Variants in PPARD observed in about 807,000 individuals in gnomAD.
The protein encoded by PPARD is peroxisome proliferator activated receptor delta.
Under a neutral mutation model 39.5 loss-of-function variants are expected in PPARD, and 6 were observed. The observed-to-expected ratio is 0.15, with a 90% confidence interval of 0.08 to 0.30. The LOEUF (loss-of-function observed/expected upper bound fraction) is 0.30. Among genes scored for constraint, PPARD ranks in the 10% least tolerant of loss-of-function variants. PPARD has a pLI of 1.00. For missense variants in PPARD, 397 were observed against 596.8 expected (o/e 0.67, Z 3.49); for synonymous variants, 210 against 231.3 (o/e 0.91, Z 0.83).
In PPARD at chr6:35,423,960, C is replaced by T. The variant is rs769962625; in HGVS notation, c.439C>T (p.Arg147Trp). The T allele has an allele frequency of 1.2e-6, 2 of 1,614,034 alleles. No individual in the cohort carries two copies. The highest frequency in any genetic ancestry group is 1.7e-6 in the Non-Finnish European group (2 of 1,180,018). ...TCCCTGTGCAGCTATCCGTTTTGGT[C>T]GGATGCCGGAGGCTGAGAAGAGGAA... is the stretch of plus-strand genomic sequence containing the variant. ...GMSHNAIRFGRMPEAEKRKLV... is the reference protein window; with the variant it reads ...GMSHNAIRFGWMPEAEKRKLV... Residue 147 changes from arginine to tryptophan, a missense_variant, in exon 6 of 8, where the codon CGG becomes TGG. Transcript: ENST00000360694.
Position 35,413,492 on chromosome 6 carries a change from A to G in PPARD, c.130+2275A>G, listed in dbSNP as rs1765562407. Among the ~76,000 whole-genome samples the G allele has an allele frequency of 2.0e-5, 3 of 152,200 alleles. No homozygotes were observed. In the South Asian group the frequency reaches 6.2e-4, roughly 31 times the overall value. On this transcript the variant is annotated intron_variant, in intron 3 of 7. Coordinates refer to ENST00000360694, the MANE Select transcript of PPARD (RefSeq NM_006238.5). ...CTACAAGACAAGCAACCTAGCAGGA[A>G]AATCAGAACAGGTAACAGTAAGACA...
intron 2 of PPARD, chr6:35,348,619 C>T (rs915411307): frequency 5.1e-6 from 5 of 985,298 alleles, no homozygotes; most frequent in Middle Eastern, 5.2e-4. Context: ...TTCACTTCCC[C>T]TTCTCTGCCT....
At chr6:35,384,992 C>T (rs1763515637) in intron 2 of PPARD, among the ~76,000 whole-genome samples, 1 of 141,448 alleles carries the variant, frequency 7.1e-6, no homozygotes, top group Non-Finnish European at 1.5e-5. Flanking sequence ...GGGCCAGCCG[C>T]CCCGTCCGGG....
chr6:35,420,035 AGTGGCTGAGGCGAGGGCT>A, intron 3 of PPARD, 74 bp from the exon 4 acceptor site: 1 of 1,459,090 alleles, frequency 6.9e-7, no homozygotes, highest in Non-Finnish European at 9.2e-7. Context: ...ACAGCTGTTA[AGTGGCTGAGGCGAGGGCT>A]GTGGGGCTGT....
At chr6:35,373,942 AT>A (rs1386621634) in intron 2 of PPARD, among the ~76,000 whole-genome samples, 32 of 152,116 alleles carry the variant, frequency 2.1e-4, no homozygotes, top group South Asian at 1.0e-3. Flanking sequence ...AAGTACTGGG[AT>A]TGCAGTGTGA....
At chr6:35,406,777 T>G (rs935202553) in intron 2 of PPARD, among the ~76,000 whole-genome samples, 1 of 152,122 alleles carries the variant, frequency 6.6e-6, no homozygotes, top group South Asian at 2.1e-4. Flanking sequence ...TTTTACCGGT[T>G]CTGGTGAAAA....
Position 35,378,698 on chromosome 6 carries a change from G to A in PPARD, c.-102+31548G>A, listed in dbSNP as rs541310752. The stretch of plus-strand genomic sequence containing the variant: ...TAGGAGTAGGTGACTCTGTATGCCC[G>A]GGGCCTCCGAGGAGACCAGGATGTG... On this transcript the variant is annotated intron_variant, in intron 2 of 7. Coordinates refer to ENST00000360694, the MANE Select transcript of PPARD (RefSeq NM_006238.5). 5.6e-4 allele frequency among the ~76,000 whole-genome samples: 86 copies of A among 152,228 alleles called. No individual in the cohort carries two copies. In the South Asian group the frequency reaches 6.4e-3, roughly 11 times the overall value.
At chr6:35,360,941 C>T (rs1410419367) in intron 2 of PPARD, among the ~76,000 whole-genome samples, 4 of 152,172 alleles carry the variant, frequency 2.6e-5, no homozygotes, top group African/African-American at 4.8e-5. Context: ...TGCCCATCTG[C>T]CTGCCCTGCT....
At chr6:35,402,001 G>T (rs538641357) in intron 2 of PPARD, among the ~76,000 whole-genome samples, 1 of 152,180 alleles carries the variant, frequency 6.6e-6, no homozygotes, top group African/African-American at 2.4e-5. Flanking sequence ...GCCCATTCAG[G>T]CTTCAGTAGG....
chr6:35,376,004 T>C (rs1367135853), intron 2 of PPARD, among the ~76,000 whole-genome samples: 2 of 152,250 alleles, frequency 1.3e-5, no homozygotes, highest in Non-Finnish European at 2.9e-5. Flanking sequence ...GTATATATGC[T>C]TTTGTTTGGA....
intron 2 of PPARD, among the ~76,000 whole-genome samples, chr6:35,355,111 C>T (rs766111518): frequency 1.3e-5 from 2 of 152,126 alleles, no homozygotes; most frequent in Admixed American, 6.5e-5. Context: ...ATAGGGAGCC[C>T]AGCCTCAGCC....
chr6:35,420,103 T>C, intron 3 of PPARD, 24 bp from the exon 4 acceptor site: 6 of 1,606,206 alleles, frequency 3.7e-6, no homozygotes, highest in Middle Eastern at 2.1e-4. Context: ...CATGTGGAGC[T>C]GCCCCTCCAT....
chr6:35,387,156 A>G (rs1395581185), intron 2 of PPARD, among the ~76,000 whole-genome samples: 3 of 151,966 alleles, frequency 2.0e-5, no homozygotes, highest in Non-Finnish European at 4.4e-5. Flanking sequence ...CAAAAGGTGG[A>G]GTTGCATCAG....
intron 5 of PPARD, 69 bp downstream of exon 5, chr6:35,422,027 C>T (rs1766205631): frequency 6.6e-7 from 1 of 1,510,278 alleles, no homozygotes; most frequent in African/African-American, 1.4e-5. Flanking sequence ...TCCAGGGAGC[C>T]CTTGGGGCAG....
chr6:35,411,820 T>C (rs1765446827), intron 3 of PPARD, among the ~76,000 whole-genome samples: 1 of 152,214 alleles, frequency 6.6e-6, no homozygotes, highest in South Asian at 2.1e-4. Context: ...TTTTCTCTAG[T>C]ACCCTGTACT....
intron 2 of PPARD, among the ~76,000 whole-genome samples, chr6:35,385,573 A>C (rs1309348477): frequency 7.3e-6 from 1 of 137,288 alleles, no homozygotes; most frequent in Non-Finnish European, 1.6e-5. Context: ...TCCCTCCACT[A>C]TTGTCCTATG....
chr6:35,425,357 T>A lies in PPARD; in HGVS notation c.1079-475T>A, dbSNP rs201643952. 3.0e-6 allele frequency: 3 copies of A among 1,005,710 alleles called. No individual in the cohort carries two copies. Among genetic ancestry groups the A allele is most frequent in the Non-Finnish European group, 3.6e-6 (3 of 841,546 alleles). The allele number at this position is 1,005,710 out of a possible 1,614,324, so 62.3% of individuals were successfully genotyped here. A position where few individuals can be genotyped will look rare whatever the true frequency, so the allele number is the denominator to read the frequency against. ...ATTGTCTGCATTTTTTCTGCATTTTTAAAATTCCAACACAATAAATACAAT... is the reference window on the plus strand; with the variant it reads ...ATTGTCTGCATTTTTTCTGCATTTTAAAAATTCCAACACAATAAATACAAT... On this transcript the variant is annotated intron_variant, in intron 7 of 7. Transcript: ENST00000360694. The surrounding 1 kb of genome is among the most constrained non-coding windows in gnomAD (Gnocchi z 4.5).
chr6:35,370,878 T>C (rs529623593), intron 2 of PPARD, among the ~76,000 whole-genome samples: 34 of 152,290 alleles, frequency 2.2e-4, no homozygotes, highest in Admixed American at 8.5e-4. Flanking sequence ...ACGAGCCCCA[T>C]GGTGGGGCAG....
intron 1 of PPARD, among the ~76,000 whole-genome samples, chr6:35,345,114 T>G (rs1357090092): frequency 1.3e-5 from 2 of 152,152 alleles, no homozygotes; most frequent in Non-Finnish European, 2.9e-5. Flanking sequence ...GGTGAGAGAT[T>G]TGAGAACAGG....
Sources: allele counts gnomAD v4.1 joint callset (sites outside exome capture counted in the v4.1 genomes callset), GRCh38; gene constraint gnomAD v4.1.1; non-coding constraint Gnocchi (gnomAD v3.1); transcripts MANE v1.5; gene names NCBI Gene and HGNC (gene_info 2026-07-23, HGNC 2026-07-21).